The following TCF20 variants were observed in gnomAD, a reference collection of about 807,000 sequenced individuals.
TCF20 encodes the protein SPRE-binding protein.
In TCF20, 3 loss-of-function variants were observed where a neutral mutation model predicts 148.6. The observed-to-expected ratio is 0.02, with a 90% CI of 0.01 to 0.05. The LOEUF (loss-of-function observed/expected upper bound fraction) is 0.05, where lower values mean the gene tolerates loss of function less well. Ranked by LOEUF, TCF20 falls within the 10% of genes least tolerant of loss-of-function variation. TCF20 has a pLI of 1.00. For synonymous variants in TCF20, 1,049 were observed against 909.5 expected (o/e 1.15, Z -2.76); for missense variants, 2,350 against 2,429.3 (o/e 0.97, Z 0.69).
intron 1 of TCF20, among the ~76,000 whole-genome samples, chr22:42,252,061 G>A (rs1282668276): frequency 6.6e-6 from 1 of 151,380 alleles, no homozygotes; most frequent in African/African-American, 2.4e-5. Flanking sequence ...CCTGAGGTCA[G>A]GAGTTCAAGA....
At chr22:42,165,639 C>T (rs961603181) in intron 5 of TCF20, among the ~76,000 whole-genome samples, 1 of 152,218 alleles carries the variant, frequency 6.6e-6, no homozygotes, top group Non-Finnish European at 1.5e-5. Context: ...AACCCCAAGC[C>T]TTGGGTATTT....
chr22:42,330,493 G>C (rs564848259), intron 1 of TCF20, among the ~76,000 whole-genome samples: 1 of 152,242 alleles, frequency 6.6e-6, no homozygotes, highest in Admixed American at 6.5e-5. Context: ...TATCCTCCAG[G>C]AAGTCTTTTC....
At chr22:42,305,133 G>C in intron 1 of TCF20, among the ~76,000 whole-genome samples, 1 of 152,006 alleles carries the variant, frequency 6.6e-6, no homozygotes, top group East Asian at 1.9e-4. Context: ...CCATGCAGTC[G>C]TACAGCACTG....
At chr22:42,260,769 C>T (rs1422849398) in intron 1 of TCF20, among the ~76,000 whole-genome samples, 1 of 152,174 alleles carries the variant, frequency 6.6e-6, no homozygotes, top group South Asian at 2.1e-4. Flanking sequence ...CAGATGTGAG[C>T]CACCACGACT....
At chr22:42,197,665 G>A (rs954824767) in intron 2 of TCF20, among the ~76,000 whole-genome samples, 3 of 152,088 alleles carry the variant, frequency 2.0e-5, no homozygotes, top group African/African-American at 7.2e-5. Flanking sequence ...CCTAATTTAG[G>A]GGCACCCCTG....
intron 1 of TCF20, among the ~76,000 whole-genome samples, chr22:42,217,449 T>C (rs1236662770): frequency 1.3e-5 from 2 of 152,184 alleles, no homozygotes; most frequent in African/African-American, 4.8e-5. Context: ...GGCCCCATAC[T>C]TACTCCAAAC....
At chr22:42,200,641 CAAAAAAA>C (rs34605295) in intron 2 of TCF20, among the ~76,000 whole-genome samples, 2 of 96,506 alleles carry the variant, frequency 2.1e-5, no homozygotes, top group Non-Finnish European at 3.9e-5. Context: ...GACTTCGTCT[CAAAAAAA>C]AAAAAAAAAA....
At chr22:42,270,945 T>C (rs1457028750), upstream of TCF20, among the ~76,000 whole-genome samples, 1 of 151,888 alleles carries the variant, frequency 6.6e-6, no homozygotes, top group Non-Finnish European at 1.5e-5. Context: ...AGGGCCGTCT[T>C]GGGGGTGGAC....
At chr22:42,283,306 G>A (rs1273954720) in intron 1 of TCF20, among the ~76,000 whole-genome samples, 1 of 152,172 alleles carries the variant, frequency 6.6e-6, no homozygotes, top group African/African-American at 2.4e-5. Context: ...GGGGGGAGAG[G>A]GAGCAGCCAG....
chr22:42,282,592 C>A (rs75801166), intron 1 of TCF20, among the ~76,000 whole-genome samples: 3,295 of 152,360 alleles, frequency 0.022, 136 homozygotes, highest in African/African-American at 0.074. Flanking sequence ...TCTCTGGTCA[C>A]GCTTGGGAAG....
chr22:42,242,322 G>C (rs1409003301), intron 1 of TCF20, among the ~76,000 whole-genome samples: 1 of 151,564 alleles, frequency 6.6e-6, no homozygotes, highest in Non-Finnish European at 1.5e-5. Context: ...TAAGTGAGGA[G>C]AAGTATTGGG....
chr22:42,213,575 T>A lies in TCF20; in HGVS notation c.1731A>T (p.Ala577=). Residue 577 remains alanine, a synonymous_variant, in exon 2 of 6, where the codon GCA becomes GCT. Coordinates refer to ENST00000677622, the MANE Select transcript of TCF20 (RefSeq NM_001378418.1). ...EPPRLNASPA[A]REEATSPGAK... is the part of the protein sequence containing the mutation. ...CGCCTGGTGAGGTGGCCTCTTCTCT[T>A]GCGGCAGGACTAGCATTGAGTCTGG... 6.2e-7 allele frequency: 1 copy of A among 1,614,164 alleles called. No homozygotes were observed. Among genetic ancestry groups the A allele is most frequent in the Non-Finnish European group, 8.5e-7 (1 of 1,180,034 alleles).
At chr22:42,215,559 C>T in intron 1 of TCF20, 1 of 538,510 alleles carries the variant, frequency 1.9e-6, no homozygotes, top group Non-Finnish European at 3.1e-6. Context: ...CAACTTCTGC[C>T]TGCAGGGTTC....
At chr22:42,181,985 G>C (rs1936800397) in intron 2 of TCF20, among the ~76,000 whole-genome samples, 1 of 152,176 alleles carries the variant, frequency 6.6e-6, no homozygotes, top group Non-Finnish European at 1.5e-5. Context: ...GGGATCTGTG[G>C]CAGCCACAGT....
At chr22:42,233,108 G>A (rs1463680343) in intron 1 of TCF20, among the ~76,000 whole-genome samples, 10 of 151,996 alleles carry the variant, frequency 6.6e-5, no homozygotes, top group Admixed American at 2.6e-4. Flanking sequence ...TTTAGTAGAG[G>A]CGAGGTTTTA....
chr22:42,169,543 G>A (rs1279564643), intron 4 of TCF20, among the ~76,000 whole-genome samples: 1 of 152,200 alleles, frequency 6.6e-6, no homozygotes, highest in Non-Finnish European at 1.5e-5. Context: ...CACCTCAAGT[G>A]GAAATCAGTG....
chr22:42,214,901 A>G lies in TCF20; in HGVS notation c.405T>C (p.His135=). 1 of 1,614,124 alleles carries G rather than the reference A, an allele frequency of 6.2e-7. No homozygotes were observed. The highest frequency in any genetic ancestry group is 1.1e-5 in the South Asian group (1 of 91,070). The change falls in exon 2 of 6, where the codon CAT becomes CAC. Residue 135 remains histidine (H), a synonymous_variant. Transcript: ENST00000677622. The stretch of plus-strand genomic sequence containing the variant: ...AGTGCTGTGCTTGAAACTGGCCCAC[A>G]TGACCCTCACTCCCATACTGATTGC... ...SFGNQYGSEG[H]VGQFQAQHSG...
chr22:42,270,843 C>T (rs1372193820), upstream of TCF20, among the ~76,000 whole-genome samples: 1 of 150,042 alleles, frequency 6.7e-6, no homozygotes, highest in Non-Finnish European at 1.5e-5. Context: ...ATCGCGAAGA[C>T]CCCCACCTCG....
intron 1 of TCF20, among the ~76,000 whole-genome samples, chr22:42,325,537 G>A (rs1054774410): frequency 6.6e-5 from 10 of 152,322 alleles, no homozygotes; most frequent in African/African-American, 2.4e-4. Flanking sequence ...ACACCAGCTC[G>A]GGGGGAGGGG....
Sources: gnomAD v4.1 joint callset for allele counts (sites outside exome capture counted in the v4.1 genomes callset) on GRCh38, gnomAD v4.1.1 for gene constraint, MANE v1.5 for transcripts, NCBI Gene and HGNC (gene_info 2026-07-23, HGNC 2026-07-21) for gene names.